RAD52: variants seen among roughly 807,000 people sequenced by gnomAD.
The protein encoded by RAD52 is RAD52 DNA repair protein.
RAD52 carries 47 observed loss-of-function variants against 55.5 expected under a neutral mutation model. The ratio of observed to expected loss-of-function variants is 0.85; its 90% CI spans 0.67 to 1.08. RAD52 has a LOEUF of 1.08. Ranked by LOEUF, RAD52 falls within the 50% of genes least tolerant of loss-of-function variation. The probability of loss-of-function intolerance (pLI) is 0.00; values close to 1 mark genes in which losing one functional copy is unlikely to be tolerated. For synonymous variants in RAD52, 184 were observed against 198.9 expected, an observed-to-expected ratio of 0.92 and a Z score of 0.63; for missense variants, 468 against 522.8, an observed-to-expected ratio of 0.90 and a Z score of 1.02.
rs927823464 is a variant in RAD52 at position 914,083 on chromosome 12, G to T, written c.1006C>A (p.Pro336Thr). Reference protein sequence around the residue: ...EDNSEKWAVTPDAGDGVVKPS... With the variant: ...EDNSEKWAVTTDAGDGVVKPS... ...TTGACCACACCATCCCCTGCATCGG[G>T]AGTCACAGCCCACTTTTCAGAGTTG... is the stretch of plus-strand genomic sequence containing the variant. The change falls in exon 11 of 12, where the codon CCC becomes ACC. Residue 336 changes from proline to threonine, a missense_variant. By Grantham distance (38) the Pro-to-Thr change is conservative. Transcript: ENST00000358495. 1.9e-6 allele frequency: 3 copies of T among 1,614,068 alleles called. No homozygotes were observed. Among genetic ancestry groups the T allele is most frequent in the Non-Finnish European group, 2.5e-6 (3 of 1,180,042 alleles).
chr12:926,132 A>G (rs929933518), intron 6 of RAD52, among the ~76,000 whole-genome samples: 1 of 151,996 alleles, frequency 6.6e-6, no homozygotes, highest in Non-Finnish European at 1.5e-5. Context: ...GATTCCTCAT[A>G]AACAGCTTAG....
chr12:989,401 G>C (rs1959140690), intron 1 of RAD52, among the ~76,000 whole-genome samples: 1 of 152,008 alleles, frequency 6.6e-6, no homozygotes, highest in East Asian at 1.9e-4. Context: ...TTTCTATTTT[G>C]TATCACTTTT....
rs778385100 is a variant in RAD52, at chr12:927,242, C to T, written c.370G>A (p.Val124Ile). ...QLKDGSYHEDVGYGVSEGLKS... is the reference protein window; with the variant it reads ...QLKDGSYHEDIGYGVSEGLKS... The stretch of plus-strand genomic sequence containing the variant: ...AGGCCCTCACTAACACCATAACCAA[C>T]ATCTTCATGATATGAACCATCCTGG... Residue 124 changes from valine to isoleucine, a missense_variant, in exon 6 of 12, where the codon GTT becomes ATT. By Grantham distance (29) the Val-to-Ile change is conservative. Transcript: ENST00000358495. 3.1e-6 allele frequency: 5 copies of T among 1,614,000 alleles called. No homozygotes were observed. In the South Asian group the frequency reaches 5.5e-5, roughly 18 times the overall value.
At chr12:940,626 A>C (rs1957872356) in intron 1 of RAD52, among the ~76,000 whole-genome samples, 1 of 151,812 alleles carries the variant, frequency 6.6e-6, no homozygotes, top group Non-Finnish European at 1.5e-5. Context: ...AAAACAAAAC[A>C]AAACAAAACC....
intron 1 of RAD52, among the ~76,000 whole-genome samples, chr12:933,806 C>A (rs1957463882): frequency 6.6e-6 from 1 of 151,980 alleles, no homozygotes; most frequent in Non-Finnish European, 1.5e-5. Context: ...TTTTGAGTGC[C>A]AACATGATGT....
Position 912,055 on chromosome 12 carries a change from A to ATTAT in RAD52, c.*1332_*1335dup, listed in dbSNP as rs1385721217. On this transcript the variant is annotated 3_prime_UTR_variant, in exon 12 of 12. Transcript: ENST00000358495. ...AAAAAGTTGTTAAACTGCAAACTTC[A>ATTAT]TTATTTTGGGGGAAGAATTATGAAA... The ATTAT allele has an allele frequency of 5.0e-6, 1 of 200,484 alleles. No homozygotes were observed. The highest frequency in any genetic ancestry group is 2.3e-5 in the African/African-American group (1 of 43,402). 12.4% of individuals were successfully genotyped at this position (200,484 alleles called of 1,614,324 possible).
At chr12:949,096 C>T (rs1958420396) in intron 1 of RAD52, among the ~76,000 whole-genome samples, 1 of 152,126 alleles carries the variant, frequency 6.6e-6, no homozygotes, top group Non-Finnish European at 1.5e-5. Context: ...CGCTCTGTCG[C>T]CCGGGACGGA....
chr12:942,833 C>T (rs777158058), intron 1 of RAD52, among the ~76,000 whole-genome samples: 4 of 151,120 alleles, frequency 2.6e-5, no homozygotes, highest in Admixed American at 6.6e-5. Flanking sequence ...ACTCAGAAAG[C>T]AGTAACTATA....
chr12:978,034 A>G (rs1958956740), intron 1 of RAD52, among the ~76,000 whole-genome samples: 1 of 152,200 alleles, frequency 6.6e-6, no homozygotes, highest in South Asian at 2.1e-4. Flanking sequence ...ACACTGATTG[A>G]TATTTTTAAT....
Position 911,742 on chromosome 12 carries a change from G to C in RAD52, c.*1649C>G, listed in dbSNP as rs762690566. ...AAAAAAATTATTAAATTGGCTGGGC[G>C]CAATGGCTCATGCCTATAATTCTAG... On this transcript the variant is annotated 3_prime_UTR_variant, in exon 12 of 12. Transcript: ENST00000358495. Among the ~76,000 whole-genome samples, 3 of 152,190 alleles carry C rather than the reference G, an allele frequency of 2.0e-5. No individual in the cohort carries two copies. The highest frequency in any genetic ancestry group is 2.0e-4 in the Admixed American group (3 of 15,284).
At chr12:964,253 G>T (rs879904135) in intron 1 of RAD52, among the ~76,000 whole-genome samples, 44 of 152,092 alleles carry the variant, frequency 2.9e-4, no homozygotes, top group Admixed American at 6.6e-4. Context: ...AAAGAAAGGT[G>T]GGGGGAAAGA....
intron 1 of RAD52, among the ~76,000 whole-genome samples, chr12:971,745 G>A (rs1958856388): frequency 6.6e-6 from 1 of 152,006 alleles, no homozygotes; most frequent in Admixed American, 6.6e-5. Context: ...GTTTTTGAAA[G>A]CTATTTGGAA....
chr12:935,881 T>C (rs970096489), intron 1 of RAD52, among the ~76,000 whole-genome samples: 1 of 149,268 alleles, frequency 6.7e-6, no homozygotes, highest in African/African-American at 2.4e-5. Context: ...AATAAATAAA[T>C]AAATAAATAA....
chr12:926,803 T>A (rs1957059639), intron 6 of RAD52: 4 of 1,536,562 alleles, frequency 2.6e-6, no homozygotes, highest in Non-Finnish European at 3.5e-6. Flanking sequence ...TACCTGTGCG[T>A]AGCGGAGGAC....
At chr12:925,617 T>C in intron 6 of RAD52, 92 bp from the exon 7 acceptor site, 1 of 1,032,204 alleles carries the variant, frequency 9.7e-7, no homozygotes, top group Non-Finnish European at 1.5e-6. Context: ...ACAGGTTGCT[T>C]CTCAGGAGCA....
intron 7 of RAD52, among the ~76,000 whole-genome samples, chr12:925,201 C>A (rs1299233642): frequency 6.6e-6 from 1 of 152,154 alleles, no homozygotes; most frequent in Non-Finnish European, 1.5e-5. Context: ...CCACCTGCCT[C>A]CACCTCCCAA....
At chr12:973,093 G>A (rs1309975495) in intron 1 of RAD52, among the ~76,000 whole-genome samples, 1 of 152,074 alleles carries the variant, frequency 6.6e-6, no homozygotes, top group Non-Finnish European at 1.5e-5. Flanking sequence ...TTTTTGAGAC[G>A]GAGTCTCGCT....
intron 1 of RAD52, among the ~76,000 whole-genome samples, chr12:945,483 G>A (rs1245773050): frequency 6.6e-6 from 1 of 151,448 alleles, no homozygotes; most frequent in African/African-American, 2.4e-5. Context: ...GCCCAGGCTG[G>A]AGTACAGTGG....
chr12:988,616 T>C (rs934051899), intron 1 of RAD52, among the ~76,000 whole-genome samples: 1 of 152,202 alleles, frequency 6.6e-6, no homozygotes, highest in Non-Finnish European at 1.5e-5. Flanking sequence ...TCAGTTCTGG[T>C]GAGGGTTTTT....
Sources: gnomAD v4.1 joint callset for allele counts (sites outside exome capture counted in the v4.1 genomes callset) on GRCh38, gnomAD v4.1.1 for gene constraint, MANE v1.5 for transcripts, NCBI Gene and HGNC (gene_info 2026-07-23, HGNC 2026-07-21) for gene names.